Variants in CHMP3 observed in about 807,000 individuals in gnomAD.
CHMP3 encodes charged multivesicular body protein 3.
In CHMP3, 8 loss-of-function variants were observed where a neutral mutation model predicts 27.4. That is an observed-to-expected ratio of 0.29 (90% confidence interval 0.17 to 0.53). The LOEUF is 0.53. Ranked by LOEUF, CHMP3 falls within the 20% of genes least tolerant of loss-of-function variation. The probability of loss-of-function intolerance (pLI) is 0.96; values close to 1 mark genes in which losing one functional copy is unlikely to be tolerated. For synonymous variants in CHMP3, 86 were observed against 85.5 expected (o/e 1.01, Z -0.03); for missense variants, 208 against 271.5 (o/e 0.77, Z 1.64).
At chr2:86,562,212 A>G (rs1445763073) in intron 1 of CHMP3, 11 of 152,236 alleles carry the variant, frequency 7.2e-5, no homozygotes, top group Admixed American at 7.2e-4. Context: ...GATGCATAAG[A>G]TTAGTTTTTA....
At chr2:86,544,470 T>A (rs1676485360) in intron 1 of CHMP3, among the ~76,000 whole-genome samples, 1 of 152,070 alleles carries the variant, frequency 6.6e-6, no homozygotes, top group African/African-American at 2.4e-5. Flanking sequence ...TCTCTGGTTT[T>A]CCTAGGCAGA....
chr2:86,546,322 G>A (rs1360748034), intron 1 of CHMP3, among the ~76,000 whole-genome samples: 4 of 143,898 alleles, frequency 2.8e-5, no homozygotes, highest in East Asian at 2.4e-4. Context: ...CTGAGATCAC[G>A]GCAGTACAGT....
chr2:86,526,584 A>C (rs1410644702), intron 3 of CHMP3, among the ~76,000 whole-genome samples: 1 of 152,164 alleles, frequency 6.6e-6, no homozygotes, highest in East Asian at 1.9e-4. Flanking sequence ...AATATCCATC[A>C]AAAGGGGAAC....
chr2:86,552,801 CAG>C (rs1431906881), intron 1 of CHMP3, among the ~76,000 whole-genome samples: 3 of 152,212 alleles, frequency 2.0e-5, no homozygotes, highest in South Asian at 2.1e-4. Flanking sequence ...ATAGAAAACA[CAG>C]GGGGTAGAGA....
At chr2:86,554,727 G>C (rs371226288) in intron 1 of CHMP3, among the ~76,000 whole-genome samples, 1 of 151,636 alleles carries the variant, frequency 6.6e-6, no homozygotes, top group African/African-American at 2.4e-5. Context: ...AAATACACAA[G>C]CATACAGGTA....
intron 1 of CHMP3, among the ~76,000 whole-genome samples, chr2:86,552,252 G>T (rs1033176330): frequency 6.6e-6 from 1 of 152,186 alleles, no homozygotes; most frequent in Non-Finnish European, 1.5e-5. Context: ...AGAGAATGCA[G>T]TTGATACCAC....
intron 1 of CHMP3, among the ~76,000 whole-genome samples, chr2:86,556,383 A>G (rs1407092795): frequency 6.6e-6 from 1 of 152,218 alleles, no homozygotes; most frequent in Non-Finnish European, 1.5e-5. Context: ...AGCTGAGTAT[A>G]TATCAGCTCA....
At chr2:86,516,847 T>C (rs1187406736) in intron 3 of CHMP3, among the ~76,000 whole-genome samples, 2 of 152,202 alleles carry the variant, frequency 1.3e-5, no homozygotes, top group Non-Finnish European at 1.5e-5. Context: ...GGAGAATTAG[T>C]GGCTGCTAAG....
At chr2:86,518,930 CT>C (rs1339360516) in intron 3 of CHMP3, among the ~76,000 whole-genome samples, 1 of 152,114 alleles carries the variant, frequency 6.6e-6, no homozygotes, top group African/African-American at 2.4e-5. Flanking sequence ...CTGGGAAAAA[CT>C]TTTTTTCAGG....
At chr2:86,562,110 T>C (rs1444859165) in intron 1 of CHMP3, 1 of 152,256 alleles carries the variant, frequency 6.6e-6, no homozygotes, top group Non-Finnish European at 1.5e-5. Flanking sequence ...GTAAGTTTCC[T>C]GACGAAAATA....
intron 3 of CHMP3, chr2:86,512,669 A>G (rs752095612): frequency 6.6e-6 from 1 of 152,268 alleles, no homozygotes; most frequent in Non-Finnish European, 1.5e-5. Context: ...AAAACTCGTA[A>G]AACTCAATAA....
At chr2:86,555,354 G>A (rs1677078362) in intron 1 of CHMP3, among the ~76,000 whole-genome samples, 1 of 152,082 alleles carries the variant, frequency 6.6e-6, no homozygotes, top group African/African-American at 2.4e-5. Context: ...GAGTAAGCAT[G>A]TATATAAGTG....
intron 2 of CHMP3, 118 bp from the exon 3 acceptor site, chr2:86,529,515 C>A (rs544381366): frequency 1.0e-6 from 1 of 995,232 alleles, no homozygotes; most frequent in South Asian, 2.9e-5. Context: ...GAAGGATATA[C>A]ATAAAATCAA....
intron 1 of CHMP3, among the ~76,000 whole-genome samples, chr2:86,561,217 C>T (rs756802162): frequency 6.6e-6 from 1 of 152,150 alleles, no homozygotes; most frequent in Non-Finnish European, 1.5e-5. Context: ...AATACATAAC[C>T]TCTGGTGCTG....
At chr2:86,511,539 A>T (rs1171635605) in intron 3 of CHMP3, 1 of 151,362 alleles carries the variant, frequency 6.6e-6, no homozygotes, top group Non-Finnish European at 1.5e-5. Flanking sequence ...TACTTTTATA[A>T]ATTTACTTTT....
chr2:86,516,959 C>T (rs1023058924), intron 3 of CHMP3, among the ~76,000 whole-genome samples: 7 of 152,128 alleles, frequency 4.6e-5, no homozygotes, highest in South Asian at 2.1e-4. Context: ...GCATCGATGG[C>T]AATATCCTGA....
chr2:86,509,830 G>A (rs1159565185), intron 4 of CHMP3, among the ~76,000 whole-genome samples: 1 of 152,228 alleles, frequency 6.6e-6, no homozygotes, highest in Non-Finnish European at 1.5e-5. Flanking sequence ...GGCTGCCGGG[G>A]CTCGGCAGCA....
intron 1 of CHMP3, among the ~76,000 whole-genome samples, chr2:86,547,799 T>C (rs927707211): frequency 1.3e-5 from 2 of 152,202 alleles, no homozygotes; most frequent in South Asian, 4.1e-4. Context: ...GAGGCCCTTA[T>C]AATTAAGTAA....
intron 1 of CHMP3, among the ~76,000 whole-genome samples, chr2:86,560,547 CG>C (rs1573314637): frequency 6.6e-6 from 1 of 150,616 alleles, no homozygotes; most frequent in South Asian, 2.1e-4. Context: ...CATCACACAC[CG>C]GGGCCTGTCA....
Sources: gnomAD v4.1 joint callset for allele counts (sites outside exome capture counted in the v4.1 genomes callset) on GRCh38, gnomAD v4.1.1 for gene constraint, MANE v1.5 for transcripts, NCBI Gene and HGNC (gene_info 2026-07-23, HGNC 2026-07-21) for gene names.